Variants in TJP2 observed in about 807,000 individuals in gnomAD.
The protein encoded by TJP2 is Friedreich ataxia region gene X104 (tight junction protein ZO-2).
TJP2 carries 91 observed loss-of-function variants against 133.1 expected under a neutral mutation model. That is an observed-to-expected ratio of 0.68 (90% confidence interval 0.58 to 0.81). The LOEUF (loss-of-function observed/expected upper bound fraction) is 0.81, where lower values mean the gene tolerates loss of function less well. TJP2 is among the 40% of genes least tolerant of loss of function. TJP2 has a pLI of 0.00. For synonymous variants in TJP2, 592 were observed against 583.4 expected (o/e 1.01, Z -0.21); for missense variants, 1,541 against 1,565.6 (o/e 0.98, Z 0.26).
In TJP2 at chr9:69,240,003, C is replaced by T; in HGVS notation, c.2422C>T (p.Pro808Ser). ...VDLLNYTQWF[P>S]IVIFFNPDSR... ...CCTGTTGAATTACACCCAGTGGTTC[C>T]CAATTGTGATTTTTTTCAACCCAGA... is the stretch of plus-strand genomic sequence containing the variant. The change falls in exon 17 of 23, where the codon CCA (proline) becomes TCA (serine). Residue 808 changes from proline (P) to serine (S), a missense_variant. Transcript: ENST00000377245. 1 of 1,614,050 alleles carries T rather than the reference C, an allele frequency of 6.2e-7. No homozygotes were observed. Among genetic ancestry groups the T allele is most frequent in the Non-Finnish European group, 8.5e-7 (1 of 1,179,996 alleles).
At chr9:69,212,682 C>A in intron 2 of TJP2, 81 bp downstream of exon 2, 1 of 1,277,282 alleles carries the variant, frequency 7.8e-7, no homozygotes, top group Non-Finnish European at 1.1e-6. Context: ...TTCACCTACA[C>A]ACAGTTTTGG....
At chr9:69,200,342 C>T (rs1339883807) in intron 1 of TJP2, among the ~76,000 whole-genome samples, 2 of 151,954 alleles carry the variant, frequency 1.3e-5, no homozygotes, top group African/African-American at 4.8e-5. Context: ...CTCTCATCCT[C>T]AGTTAACAAC....
At chr9:69,154,302 C>T (rs1823630254) in intron 2 of TJP2, among the ~76,000 whole-genome samples, 2 of 152,156 alleles carry the variant, frequency 1.3e-5, no homozygotes, top group South Asian at 2.1e-4. Context: ...GTTTGTTGAG[C>T]AAGAATGTTG....
intron 1 of TJP2, among the ~76,000 whole-genome samples, chr9:69,176,489 A>AT (rs552672898): frequency 2.8e-3 from 420 of 152,350 alleles, no homozygotes; most frequent in African/African-American, 9.7e-3. Flanking sequence ...CTTGAAGGCC[A>AT]TAACGAAGCT....
At chr9:69,123,154 C>T (rs1822220854) in intron 1 of TJP2, among the ~76,000 whole-genome samples, 1 of 152,172 alleles carries the variant, frequency 6.6e-6, no homozygotes, top group African/African-American at 2.4e-5. Flanking sequence ...TCAAGGAGTG[C>T]TTTACATTTC....
chr9:69,207,448 C>A (rs1827521848), intron 1 of TJP2, among the ~76,000 whole-genome samples: 1 of 152,140 alleles, frequency 6.6e-6, no homozygotes, highest in South Asian at 2.1e-4. Flanking sequence ...TTTGTCCATC[C>A]TGCCCTTGAG....
At chr9:69,217,167 T>C (rs1828452856) in intron 3 of TJP2, among the ~76,000 whole-genome samples, 1 of 152,038 alleles carries the variant, frequency 6.6e-6, no homozygotes, top group Non-Finnish European at 1.5e-5. Flanking sequence ...ATTTTTGTAT[T>C]TTTAGTAGAG....
intron 11 of TJP2, 134 bp from the exon 12 acceptor site, chr9:69,234,305 T>C: frequency 1.4e-6 from 1 of 729,560 alleles, no homozygotes; most frequent in Non-Finnish European, 2.2e-6. Context: ...TTGGCTTTGC[T>C]CTGGACAGGC....
chr9:69,173,648 A>G (rs1258097071), upstream of TJP2, among the ~76,000 whole-genome samples: 1 of 152,222 alleles, frequency 6.6e-6, no homozygotes, highest in Admixed American at 6.5e-5. Flanking sequence ...AATGTGGGGT[A>G]CAAGGCCGTG....
chr9:69,219,684 A>C (rs2486449), intron 4 of TJP2, among the ~76,000 whole-genome samples: 75,721 of 152,046 alleles, frequency 0.5, 19,278 homozygotes, highest in African/African-American at 0.57. Flanking sequence ...TCAGCCTCCC[A>C]AGGTGCTGGG....
intron 1 of TJP2, among the ~76,000 whole-genome samples, chr9:69,146,637 G>C (rs1014669150): frequency 1.3e-5 from 2 of 152,202 alleles, no homozygotes; most frequent in Non-Finnish European, 2.9e-5. Flanking sequence ...ATCTCCCCAA[G>C]AGAACTACTA....
intron 11 of TJP2, among the ~76,000 whole-genome samples, chr9:69,230,819 T>C (rs1829717844): frequency 6.6e-6 from 1 of 152,202 alleles, no homozygotes; most frequent in East Asian, 1.9e-4. Context: ...TGGCACAGAA[T>C]AGGAAGGTGA....
intron 2 of TJP2, among the ~76,000 whole-genome samples, chr9:69,156,041 A>C (rs898145482): frequency 6.6e-6 from 1 of 152,242 alleles, no homozygotes; most frequent in Non-Finnish European, 1.5e-5. Flanking sequence ...TATGTAAACC[A>C]GAAAGTATCA....
chr9:69,210,811 G>A (rs1406353228), intron 1 of TJP2, among the ~76,000 whole-genome samples: 1 of 140,796 alleles, frequency 7.1e-6, no homozygotes, highest in Non-Finnish European at 1.5e-5. Flanking sequence ...CAGGTTGGTC[G>A]TAAACTCCTG....
chr9:69,203,606 G>GTTTTTTTTTTTTT (rs1330482251), intron 1 of TJP2, among the ~76,000 whole-genome samples: 1 of 57,584 alleles, frequency 1.7e-5, no homozygotes, highest in African/African-American at 5.7e-5. Flanking sequence ...GCCCAGCCTG[G>GTTTTTTTTTTTTT]ATTTTTTTTT....
At chr9:69,179,634 G>A (rs947469447) in intron 1 of TJP2, among the ~76,000 whole-genome samples, 5 of 151,628 alleles carry the variant, frequency 3.3e-5, no homozygotes, top group Non-Finnish European at 5.9e-5. Flanking sequence ...CCAGTAGCTG[G>A]GACTACAGGC....
intron 1 of TJP2, among the ~76,000 whole-genome samples, chr9:69,181,968 T>C (rs1825545301): frequency 6.6e-6 from 1 of 152,128 alleles, no homozygotes; most frequent in African/African-American, 2.4e-5. Context: ...GAATCCTTCT[T>C]CCTCTTCCTC....
chr9:69,166,744 C>T (rs1824377317), intron 2 of TJP2, among the ~76,000 whole-genome samples: 1 of 151,778 alleles, frequency 6.6e-6, no homozygotes, highest in African/African-American at 2.4e-5. Context: ...GGATTACAGG[C>T]GTGAGCCACC....
At chr9:69,226,266 G>A (rs1391012745) in intron 7 of TJP2, 91 bp downstream of exon 7, 1 of 1,461,794 alleles carries the variant, frequency 6.8e-7, no homozygotes, top group Non-Finnish European at 9.4e-7. Context: ...CCAGCTGGAA[G>A]TTAAATTTCT....
Sources: gnomAD v4.1 joint callset for allele counts (sites outside exome capture counted in the v4.1 genomes callset) on GRCh38, gnomAD v4.1.1 for gene constraint, MANE v1.5 for transcripts, NCBI Gene and HGNC (gene_info 2026-07-23, HGNC 2026-07-21) for gene names.